RSPH6A: variants seen among roughly 807,000 people sequenced by gnomAD.
RSPH6A encodes the protein radial spoke head protein 6 homolog A.
Under a neutral mutation model 66.1 loss-of-function variants are expected in RSPH6A, and 49 were observed. The observed-to-expected ratio is 0.74, with a 90% CI of 0.59 to 0.94. The LOEUF is 0.94. Ranked by LOEUF, RSPH6A falls within the 40% of genes least tolerant of loss-of-function variation. The pLI, the probability that RSPH6A is intolerant of heterozygous loss-of-function variation, is 0.00. For synonymous variants in RSPH6A, 419 were observed against 402.4 expected (o/e 1.04, Z -0.49); for missense variants, 977 against 948.3 (o/e 1.03, Z -0.40).
chr19:45,804,696 G>A lies in RSPH6A; in HGVS notation c.1209C>T (p.Val403=). The change falls in exon 3 of 6, where the codon GTC becomes GTT. Residue 403 remains valine (V), a synonymous_variant. Transcript: ENST00000221538. The surrounding 1 kb of genome is among the most constrained non-coding windows in gnomAD (Gnocchi z 5.8). ...EEDEEKAVDI[V]PKSVWKPPPV... ...GCGGCGGCTTCCATACGGACTTAGG[G>A]ACGATGTCCACGGCCTTCTCCTCGT... The A allele has an allele frequency of 6.2e-7, 1 of 1,613,946 alleles. No homozygotes were observed. Among genetic ancestry groups the A allele is most frequent in the Non-Finnish European group, 8.5e-7 (1 of 1,180,004 alleles).
At chr19:45,808,556 G>C (rs1053984072) in intron 2 of RSPH6A, among the ~76,000 whole-genome samples, 8 of 151,274 alleles carry the variant, frequency 5.3e-5, no homozygotes, top group African/African-American at 1.7e-4. Context: ...TCACACCACT[G>C]TATTCCAGCC....
At position 45,805,007 on chromosome 19, in the gene RSPH6A, G is replaced by C. The variant is rs1312523293; in HGVS notation, c.898C>G (p.Pro300Ala). 1 of 1,609,610 alleles carries C rather than the reference G, an allele frequency of 6.2e-7. No individual in the cohort carries two copies. Among genetic ancestry groups the C allele is most frequent in the Admixed American group, 1.7e-5 (1 of 59,992 alleles). The change falls in exon 3 of 6, where the codon CCA becomes GCA. Residue 300 changes from proline to alanine, a missense_variant. By Grantham distance (27) the Pro-to-Ala change is conservative. Transcript: ENST00000221538. ...QEMEEEVGET[P>A]VPNIMETAFY... Reference sequence around the variant, plus strand: ...GCAGTCTCCATGATGTTGGGCACTGGTGTCTCCCCCTGCGCAGGGTAGGGT... The same window carrying C: ...GCAGTCTCCATGATGTTGGGCACTGCTGTCTCCCCCTGCGCAGGGTAGGGT...
chr19:45,796,227 T>G, intron 5 of RSPH6A, 121 bp from the exon 6 acceptor site: 1 of 676,360 alleles, frequency 1.5e-6, no homozygotes. Context: ...GATCTCGACT[T>G]ACTGCAACCT....
At chr19:45,799,268 G>C (rs1300283470) in intron 5 of RSPH6A, among the ~76,000 whole-genome samples, 1 of 135,396 alleles carries the variant, frequency 7.4e-6, no homozygotes, top group Non-Finnish European at 1.7e-5. Flanking sequence ...TCACGCAGCA[G>C]GGCAGAGGGC....
intron 2 of RSPH6A, among the ~76,000 whole-genome samples, chr19:45,805,302 C>T (rs985557064): frequency 6.6e-6 from 1 of 152,076 alleles, no homozygotes; most frequent in Non-Finnish European, 1.5e-5. Context: ...GAGACTGAGG[C>T]AGGAGAATCA....
At chr19:45,798,142 C>T (rs1476777810) in intron 5 of RSPH6A, among the ~76,000 whole-genome samples, 8 of 151,586 alleles carry the variant, frequency 5.3e-5, no homozygotes, top group Admixed American at 4.6e-4. Context: ...GGGTGGATCA[C>T]CTGGTCAGGA....
At chr19:45,808,258 C>G (rs1440066833) in intron 2 of RSPH6A, among the ~76,000 whole-genome samples, 1 of 152,188 alleles carries the variant, frequency 6.6e-6, no homozygotes, top group Admixed American at 6.5e-5. Context: ...AAAATCCTGT[C>G]TCTACTAAAA....
In RSPH6A at chr19:45,812,000, C is replaced by T. The variant is rs891751798; in HGVS notation, c.651-1160G>A. Among the ~76,000 whole-genome samples the T allele has an allele frequency of 5.9e-5, 9 of 151,438 alleles. 1 individual carries two copies. Among genetic ancestry groups the T allele is most frequent in the Non-Finnish European group, 1.2e-4 (8 of 67,900 alleles). The stretch of plus-strand genomic sequence containing the variant: ...TTCACTATGTTGGCCAGGCTGGTCT[C>T]GAACTCCTGACCTCAGGTGATCCGC... On this transcript the variant is annotated intron_variant, in intron 1 of 5. Coordinates refer to ENST00000221538, the MANE Select transcript of RSPH6A (RefSeq NM_030785.4).
chr19:45,813,233 C>T (rs1970650884), intron 1 of RSPH6A, among the ~76,000 whole-genome samples: 1 of 152,144 alleles, frequency 6.6e-6, no homozygotes, highest in African/African-American at 2.4e-5. Context: ...TTTGCATTTG[C>T]AGTGTGCTCT....
Position 45,795,879 on chromosome 19 carries a change from G to A in RSPH6A, c.2144C>T (p.Thr715Ile). The change falls in exon 6 of 6, where the codon ACA becomes ATA. Residue 715 changes from threonine to isoleucine, a missense_variant. Physicochemically the swap from Thr to Ile is moderately conservative, Grantham distance 89. Transcript: ENST00000221538. ...GCTAGAGGGTGGGCCTCAGTCATCT[G>A]TCTCCTCGCCCTCCTCCTCCTCCTC... ...EGEEEEEGEE[T>I]DD is the part of the protein sequence containing the mutation. The A allele has an allele frequency of 7.9e-7, 1 of 1,272,786 alleles. No individual in the cohort carries two copies. The highest frequency in any genetic ancestry group is 1.0e-6 in the Non-Finnish European group (1 of 955,176). 78.8% of individuals were successfully genotyped at this position (1,272,786 alleles called of 1,614,324 possible).
chr19:45,802,146 A>T lies in RSPH6A; in HGVS notation c.1772T>A (p.Leu591Gln). ...EEVEQEVGPPLLTPLSEDAEI... is the reference protein window; with the variant it reads ...EEVEQEVGPPQLTPLSEDAEI... Reference sequence around the variant, plus strand: ...TGCATCTTCTGAAAGTGGCGTTAGCAGTGGGGGGCCAACCTCCTGCTCCAC... The same window carrying T: ...TGCATCTTCTGAAAGTGGCGTTAGCTGTGGGGGGCCAACCTCCTGCTCCAC... Residue 591 changes from leucine to glutamine, a missense_variant, in exon 4 of 6, where the codon CTG (leucine) becomes CAG (glutamine). Leu to Gln is a moderately radical substitution (Grantham distance 113). Transcript: ENST00000221538. 1 of 1,551,150 alleles carries T rather than the reference A, an allele frequency of 6.4e-7. No individual in the cohort carries two copies. Among genetic ancestry groups the T allele is most frequent in the Middle Eastern group, 1.7e-4 (1 of 5,798 alleles).
At chr19:45,809,856 C>A (rs1970599096) in intron 2 of RSPH6A, among the ~76,000 whole-genome samples, 1 of 152,202 alleles carries the variant, frequency 6.6e-6, no homozygotes, top group South Asian at 2.1e-4. Context: ...TCCTGGCTAG[C>A]CGTCTGGAAG....
rs956718492 is a variant in RSPH6A at position 45,800,343 on chromosome 19, G to T, written c.1916+103C>A. 6.1e-5 allele frequency: 59 copies of T among 968,842 alleles called. No homozygotes were observed. The African/African-American group carries it at 8.9e-4, about 15-fold the overall frequency. 60.0% of individuals were successfully genotyped at this position (968,842 alleles called of 1,614,324 possible). ...TTAGTCCTTGGGGCTTCCTGAAGGGGGCCCTCCCCATCTCTGCCCACCCTG... is the reference window on the plus strand; with the variant it reads ...TTAGTCCTTGGGGCTTCCTGAAGGGTGCCCTCCCCATCTCTGCCCACCCTG... On this transcript the variant is annotated intron_variant, in intron 5 of 5. Transcript: ENST00000221538.
At chr19:45,807,562 G>A (rs143299578) in intron 2 of RSPH6A, among the ~76,000 whole-genome samples, 2,531 of 152,114 alleles carry the variant, frequency 0.017, 66 homozygotes, top group African/African-American at 0.058. Context: ...CCAGGCTGGA[G>A]TGCAGTGGCA....
chr19:45,802,133 A>C lies in RSPH6A; in HGVS notation c.1785T>G (p.Leu595=). The C allele has an allele frequency of 6.5e-7, 1 of 1,534,820 alleles. No homozygotes were observed. The highest frequency in any genetic ancestry group is 2.5e-5 in the East Asian group (1 of 39,910). The part of the protein sequence containing the change: ...QEVGPPLLTP[L]SEDAEIMHLA... ...GGGCTTCCTTACCTGCATCTTCTGA[A>C]AGTGGCGTTAGCAGTGGGGGGCCAA... The change falls in exon 4 of 6, where the codon CTT becomes CTG. Residue 595 remains leucine (L), a synonymous_variant. Transcript: ENST00000221538.
intron 1 of RSPH6A, among the ~76,000 whole-genome samples, chr19:45,813,995 C>T (rs1970663904): frequency 6.6e-6 from 1 of 152,082 alleles, no homozygotes; most frequent in South Asian, 2.1e-4. Flanking sequence ...CTTGCCTCTA[C>T]TAAAAATACA....
Position 45,804,971 on chromosome 19 carries a change from C to G in RSPH6A, c.934G>C (p.Glu312Gln), listed in dbSNP as rs771185702. The G allele has an allele frequency of 1.9e-6, 3 of 1,613,546 alleles. No homozygotes were observed. Among genetic ancestry groups the G allele is most frequent in the African/African-American group, 1.3e-5 (1 of 74,932 alleles). Reference sequence around the variant, plus strand: ...GAGCTCAGGCCGACGCCGGCCTGCTCGAAGTAGAAGGCAGTCTCCATGATG... The same window carrying G: ...GAGCTCAGGCCGACGCCGGCCTGCTGGAAGTAGAAGGCAGTCTCCATGATG... ...PNIMETAFYF[E>Q]QAGVGLSSDE... The change falls in exon 3 of 6, where the codon GAG becomes CAG. Residue 312 changes from glutamate to glutamine, a missense_variant. Transcript: ENST00000221538. The surrounding 1 kb of genome is among the most constrained non-coding windows in gnomAD (Gnocchi z 5.8).
chr19:45,807,730 C>G (rs1222748502), intron 2 of RSPH6A, among the ~76,000 whole-genome samples: 1 of 152,088 alleles, frequency 6.6e-6, no homozygotes, highest in Non-Finnish European at 1.5e-5. Context: ...ATGCTGGTCT[C>G]GAACTCCTGA....
rs375395531 is a variant in RSPH6A, at chr19:45,810,911, C to A, written c.651-71G>T. The A allele has an allele frequency of 1.8e-5, 24 of 1,343,142 alleles. No individual in the cohort carries two copies. The Middle Eastern group carries it at 7.5e-4, about 42-fold the overall frequency. The allele number at this position is 1,343,142 out of a possible 1,614,324, so 83.2% of individuals were successfully genotyped here. On this transcript the variant is annotated intron_variant, in intron 1 of 5. Coordinates refer to ENST00000221538, the MANE Select transcript of RSPH6A (RefSeq NM_030785.4). ...AGCTCACTGAGCTGGCTCCCATGTG[C>A]CTGGCCCTGTGCCTGGTGCTGGGGA... is the stretch of plus-strand genomic sequence containing the variant.
Sources: gnomAD v4.1 joint callset for allele counts (sites outside exome capture counted in the v4.1 genomes callset) on GRCh38, gnomAD v4.1.1 for gene constraint, Gnocchi (gnomAD v3.1) non-coding constraint, MANE v1.5 for transcripts, NCBI Gene and HGNC (gene_info 2026-07-23, HGNC 2026-07-21) for gene names.